GALM: variants seen among roughly 807,000 people sequenced by gnomAD.
The protein encoded by GALM is aldose 1-epimerase.
In GALM, 43 loss-of-function variants were observed where a neutral mutation model predicts 37.4. The ratio of observed to expected loss-of-function variants is 1.15; its 90% CI spans 0.90 to 1.48. GALM has a LOEUF of 1.48. Among genes scored for constraint, GALM ranks in the 40% most tolerant of loss-of-function variants. The pLI is 0.00. For synonymous variants in GALM, 199 were observed against 170.6 expected, an observed-to-expected ratio of 1.17 and a Z score of -1.30; for missense variants, 456 against 419.1, an observed-to-expected ratio of 1.09 and a Z score of -0.77.
chr2:38,704,541 T>C (rs4359633), intron 4 of GALM, among the ~76,000 whole-genome samples: 36,633 of 151,604 alleles, frequency 0.24, 5,559 homozygotes, highest in Non-Finnish European at 0.33. Context: ...CCAGGCCCAG[T>C]GGCATTCACC....
intron 4 of GALM, among the ~76,000 whole-genome samples, chr2:38,715,567 A>G (rs1666253822): frequency 6.6e-6 from 1 of 152,082 alleles, no homozygotes; most frequent in South Asian, 2.1e-4. Flanking sequence ...CCTCCTGAGT[A>G]GCTGGGACCA....
At chr2:38,725,434 G>A (rs1362442323) in intron 4 of GALM, among the ~76,000 whole-genome samples, 5 of 152,114 alleles carry the variant, frequency 3.3e-5, no homozygotes, top group African/African-American at 1.2e-4. Flanking sequence ...TACTCAGGAA[G>A]CTGAGACAGG....
At chr2:38,730,505 T>G (rs1220645860) in intron 5 of GALM, among the ~76,000 whole-genome samples, 1 of 152,088 alleles carries the variant, frequency 6.6e-6, no homozygotes, top group Non-Finnish European at 1.5e-5. Flanking sequence ...GACCTTGTAA[T>G]CCACCCACCT....
intron 1 of GALM, among the ~76,000 whole-genome samples, chr2:38,675,529 TTTTTTTTTTTTTTTTGTGTGTGTG>T (rs1665228352): frequency 5.2e-5 from 4 of 76,910 alleles, no homozygotes; most frequent in African/African-American, 2.1e-4. Context: ...TTTTTTTGTT[TTTTTTTTTTTTTTTTGTGTGTGTG>T]TGTGTGTGTG....
At chr2:38,680,922 G>A (rs1323332269) in intron 2 of GALM, among the ~76,000 whole-genome samples, 1 of 152,130 alleles carries the variant, frequency 6.6e-6, no homozygotes, top group African/African-American at 2.4e-5. Context: ...GATCACTTGA[G>A]GTCAGGAGTT....
intron 4 of GALM, among the ~76,000 whole-genome samples, chr2:38,710,303 C>T (rs1279642217): frequency 6.6e-6 from 1 of 152,190 alleles, no homozygotes; most frequent in Non-Finnish European, 1.5e-5. Context: ...AAAATAGTTA[C>T]TCCCCTATCC....
intron 4 of GALM, among the ~76,000 whole-genome samples, chr2:38,715,544 C>T (rs1351666708): frequency 6.6e-6 from 1 of 152,086 alleles, no homozygotes; most frequent in African/African-American, 2.4e-5. Context: ...CTCAAGTGAT[C>T]CTCCCACCTC....
chr2:38,730,695 C>A (rs1666589741), intron 5 of GALM, among the ~76,000 whole-genome samples: 1 of 151,932 alleles, frequency 6.6e-6, no homozygotes, highest in Admixed American at 6.6e-5. Flanking sequence ...CTGAGGTGGG[C>A]AGATCACTTG....
intron 6 of GALM, among the ~76,000 whole-genome samples, chr2:38,732,567 CT>C (rs1288055193): frequency 6.6e-6 from 1 of 152,204 alleles, no homozygotes; most frequent in Non-Finnish European, 1.5e-5. Context: ...TCCCTCATAA[CT>C]TTCTTTTCTG....
intron 4 of GALM, among the ~76,000 whole-genome samples, chr2:38,712,835 C>T (rs1391091458): frequency 6.6e-6 from 1 of 152,176 alleles, no homozygotes; most frequent in African/African-American, 2.4e-5. Context: ...GATGTGCAAG[C>T]AGGGGGTGCC....
chr2:38,727,466 C>T (rs560001464), intron 4 of GALM, among the ~76,000 whole-genome samples: 3 of 151,976 alleles, frequency 2.0e-5, no homozygotes, highest in Non-Finnish European at 4.4e-5. Flanking sequence ...CAGTGGTTCA[C>T]GCCTGTAATC....
chr2:38,684,117 C>T (rs1665468386), intron 3 of GALM, among the ~76,000 whole-genome samples: 1 of 152,064 alleles, frequency 6.6e-6, no homozygotes, highest in African/African-American at 2.4e-5. Flanking sequence ...AGCTCAAAAC[C>T]TGATATTTAA....
intron 3 of GALM, among the ~76,000 whole-genome samples, chr2:38,684,967 T>G (rs2148431735): frequency 6.6e-6 from 1 of 152,278 alleles, no homozygotes; most frequent in East Asian, 1.9e-4. Flanking sequence ...TTCCATCTGC[T>G]TCCTCAGTAT....
chr2:38,671,125 G>T (rs970001715), intron 1 of GALM, among the ~76,000 whole-genome samples: 1 of 152,092 alleles, frequency 6.6e-6, no homozygotes, highest in Admixed American at 6.6e-5. Context: ...CAATTGACTT[G>T]GTTAAATCAA....
chr2:38,705,025 G>T (rs1356805530), intron 4 of GALM, among the ~76,000 whole-genome samples: 1 of 152,204 alleles, frequency 6.6e-6, no homozygotes, highest in African/African-American at 2.4e-5. Context: ...AATCTGGCAG[G>T]AAGAAAGCTC....
At chr2:38,716,293 A>C (rs184512950) in intron 4 of GALM, among the ~76,000 whole-genome samples, 47 of 152,350 alleles carry the variant, frequency 3.1e-4, no homozygotes, top group Middle Eastern at 6.8e-3. Context: ...AAGAGTATGG[A>C]GGAATCATAA....
At chr2:38,686,556 G>A (rs1665544659) in intron 3 of GALM, among the ~76,000 whole-genome samples, 1 of 151,966 alleles carries the variant, frequency 6.6e-6, no homozygotes, top group Non-Finnish European at 1.5e-5. Flanking sequence ...GAGCCACCGT[G>A]CCTGGCCAGA....
chr2:38,710,246 A>C (rs987073077), intron 4 of GALM, among the ~76,000 whole-genome samples: 25 of 152,206 alleles, frequency 1.6e-4, no homozygotes, highest in African/African-American at 7.2e-5. Flanking sequence ...GCATGTGGTC[A>C]TCAGATGGTC....
At chr2:38,686,403 C>T (rs920716461) in intron 3 of GALM, among the ~76,000 whole-genome samples, 4 of 151,540 alleles carry the variant, frequency 2.6e-5, no homozygotes, top group African/African-American at 9.7e-5. Context: ...GTAGCTGGGA[C>T]TACAGGCGCC....
Sources: gnomAD v4.1 joint callset for allele counts (sites outside exome capture counted in the v4.1 genomes callset) on GRCh38, gnomAD v4.1.1 for gene constraint, MANE v1.5 for transcripts, NCBI Gene and HGNC (gene_info 2026-07-23, HGNC 2026-07-21) for gene names.